Variants in COTL1 observed in about 807,000 individuals in gnomAD.
The protein encoded by COTL1 is coactosin-like protein.
A neutral mutation model predicts 16.5 loss-of-function variants in COTL1; 15 were observed. The ratio of observed to expected loss-of-function variants is 0.91; its 90% CI spans 0.61 to 1.40. The LOEUF is 1.40. COTL1 is among the 40% of genes most tolerant of loss of function. COTL1 has a pLI of 0.00. For synonymous variants in COTL1, 112 were observed against 85.3 expected (o/e 1.31, Z -1.73); for missense variants, 220 against 201.5 (o/e 1.09, Z -0.56).
At chr16:84,589,713 G>A (rs1171336063) in intron 3 of COTL1, among the ~76,000 whole-genome samples, 1 of 152,132 alleles carries the variant, frequency 6.6e-6, no homozygotes, top group Non-Finnish European at 1.5e-5. Context: ...TGTTCAGAGA[G>A]GGTACAAATG....
At chr16:84,610,089 C>G (rs1328584841) in intron 2 of COTL1, among the ~76,000 whole-genome samples, 1 of 152,198 alleles carries the variant, frequency 6.6e-6, no homozygotes, top group East Asian at 1.9e-4. Flanking sequence ...ACACTGGTGT[C>G]TCCCAAGGAT....
At chr16:84,604,062 C>G (rs1213309550) in intron 2 of COTL1, among the ~76,000 whole-genome samples, 3 of 133,072 alleles carry the variant, frequency 2.3e-5, no homozygotes, top group Non-Finnish European at 3.2e-5. Flanking sequence ...GCTGCCCCAC[C>G]ACGGCCCAAC....
chr16:84,602,096 C>T (rs1905114549), intron 2 of COTL1, among the ~76,000 whole-genome samples: 1 of 152,108 alleles, frequency 6.6e-6, no homozygotes, highest in Non-Finnish European at 1.5e-5. Flanking sequence ...CGATGCCCCA[C>T]ATGTACTCAA....
intron 2 of COTL1, among the ~76,000 whole-genome samples, chr16:84,602,294 G>A (rs1905118134): frequency 6.6e-6 from 1 of 151,868 alleles, no homozygotes; most frequent in African/African-American, 2.4e-5. Context: ...GGGAGGCCGA[G>A]GCAGGAGGAT....
At chr16:84,586,369 C>T (rs1904733469) in intron 3 of COTL1, among the ~76,000 whole-genome samples, 2 of 152,324 alleles carry the variant, frequency 1.3e-5, no homozygotes, top group Non-Finnish European at 2.9e-5. Context: ...GAATTAATTT[C>T]CTCCAATCCC....
intron 3 of COTL1, among the ~76,000 whole-genome samples, chr16:84,571,732 G>A (rs930353734): frequency 1.3e-5 from 2 of 152,218 alleles, no homozygotes; most frequent in African/African-American, 4.8e-5. Context: ...TGGACGTCAC[G>A]TGGACACATG....
intron 3 of COTL1, among the ~76,000 whole-genome samples, chr16:84,582,829 G>T (rs1291066769): frequency 2.0e-5 from 3 of 151,940 alleles, no homozygotes; most frequent in Non-Finnish European, 2.9e-5. Flanking sequence ...CCTGCCCAAA[G>T]TCCTACACCT....
At chr16:84,583,901 G>A (rs74036327) in intron 3 of COTL1, among the ~76,000 whole-genome samples, 3,467 of 152,240 alleles carry the variant, frequency 0.023, 144 homozygotes, top group African/African-American at 0.079. Flanking sequence ...TGAGCTGCAT[G>A]CCTTCTGGAT....
At chr16:84,615,709 G>A (rs1234132419) in intron 2 of COTL1, among the ~76,000 whole-genome samples, 3 of 152,182 alleles carry the variant, frequency 2.0e-5, no homozygotes, top group African/African-American at 7.2e-5. Flanking sequence ...AACTACAGAG[G>A]CGGAGGGACG....
intron 2 of COTL1, among the ~76,000 whole-genome samples, chr16:84,612,313 C>T (rs963114848): frequency 6.6e-6 from 1 of 152,130 alleles, no homozygotes; most frequent in Admixed American, 6.5e-5. Context: ...CTAAGCACCT[C>T]TCATCATGCT....
intron 2 of COTL1, among the ~76,000 whole-genome samples, chr16:84,592,026 T>C (rs1361131100): frequency 3.9e-5 from 6 of 152,118 alleles, no homozygotes; most frequent in African/African-American, 1.4e-4. Flanking sequence ...GTAGGAACCA[T>C]CCCGTAAATT....
intron 2 of COTL1, chr16:84,595,355 G>A (rs1034556885): frequency 6.6e-6 from 1 of 152,232 alleles, no homozygotes; most frequent in Non-Finnish European, 1.5e-5. Context: ...GATCTGGCAC[G>A]ACAGTGACGG....
chr16:84,575,404 A>T (rs1284623538), intron 3 of COTL1: 2 of 146,364 alleles, frequency 1.4e-5, no homozygotes, highest in Non-Finnish European at 3.0e-5. Flanking sequence ...TGTCGCCCAG[A>T]CTGGAGTGCA....
chr16:84,611,453 T>C (rs1290205930), intron 2 of COTL1, among the ~76,000 whole-genome samples: 3 of 152,242 alleles, frequency 2.0e-5, no homozygotes, highest in Non-Finnish European at 4.4e-5. Flanking sequence ...AAAATATCTA[T>C]GATCCCCTTT....
At chr16:84,571,840 C>T (rs1353078868) in intron 3 of COTL1, among the ~76,000 whole-genome samples, 1 of 152,216 alleles carries the variant, frequency 6.6e-6, no homozygotes, top group Non-Finnish European at 1.5e-5. Flanking sequence ...CGAGCCGCTC[C>T]CACCTTCTAT....
intron 3 of COTL1, among the ~76,000 whole-genome samples, chr16:84,589,387 A>G (rs946650844): frequency 6.6e-6 from 1 of 152,178 alleles, no homozygotes; most frequent in Non-Finnish European, 1.5e-5. Flanking sequence ...GCCCTCTGTA[A>G]CAGACAAGCT....
chr16:84,572,715 G>A (rs762817616), intron 3 of COTL1, among the ~76,000 whole-genome samples: 7 of 151,852 alleles, frequency 4.6e-5, no homozygotes, highest in Non-Finnish European at 7.4e-5. Flanking sequence ...ACCCATCTTG[G>A]CCTCCCAAAG....
At chr16:84,579,734 A>G (rs1904537107) in intron 3 of COTL1, among the ~76,000 whole-genome samples, 1 of 152,206 alleles carries the variant, frequency 6.6e-6, no homozygotes, top group Admixed American at 6.5e-5. Flanking sequence ...TTGTTTCATA[A>G]GGGAATCTCA....
At chr16:84,609,210 C>T (rs1208840963) in intron 2 of COTL1, among the ~76,000 whole-genome samples, 1 of 152,150 alleles carries the variant, frequency 6.6e-6, no homozygotes, top group Non-Finnish European at 1.5e-5. Context: ...TGTTGTATTG[C>T]CATATACGCA....
Sources: gnomAD v4.1 joint callset for allele counts (sites outside exome capture counted in the v4.1 genomes callset) on GRCh38, gnomAD v4.1.1 for gene constraint, MANE v1.5 for transcripts, NCBI Gene and HGNC (gene_info 2026-07-23, HGNC 2026-07-21) for gene names.